ADAMTS14: variants seen among roughly 807,000 people sequenced by gnomAD.
ADAMTS14 encodes A disintegrin and metalloproteinase with thrombospondin motifs 14.
A neutral mutation model predicts 128.6 loss-of-function variants in ADAMTS14; 100 were observed. The observed-to-expected ratio is 0.78, with a 90% CI of 0.66 to 0.92. ADAMTS14 has a LOEUF of 0.92. ADAMTS14 is among the 40% of genes least tolerant of loss of function. The probability of loss-of-function intolerance (pLI) is 0.00; values close to 1 mark genes in which losing one functional copy is unlikely to be tolerated. For missense variants in ADAMTS14, 1,562 were observed against 1,658.6 expected (o/e 0.94, Z 1.01); for synonymous variants, 665 against 653.8 (o/e 1.02, Z -0.26).
chr10:70,723,827 C>A (rs1841346485), intron 4 of ADAMTS14, among the ~76,000 whole-genome samples: 3 of 152,150 alleles, frequency 2.0e-5, no homozygotes, highest in Admixed American at 6.5e-5. Flanking sequence ...CAGAGAAAGC[C>A]CACCCCAGCC....
intron 3 of ADAMTS14, among the ~76,000 whole-genome samples, chr10:70,704,260 G>T (rs1840581950): frequency 6.6e-6 from 1 of 152,132 alleles, no homozygotes; most frequent in South Asian, 2.1e-4. Flanking sequence ...AGTGAACCTG[G>T]AGTGGAGGGG....
chr10:70,693,230 C>T (rs1022090111), intron 2 of ADAMTS14, among the ~76,000 whole-genome samples: 4 of 152,268 alleles, frequency 2.6e-5, no homozygotes, highest in East Asian at 1.9e-4. Context: ...CACCATTCCC[C>T]GCCTCTAACA....
intron 3 of ADAMTS14, among the ~76,000 whole-genome samples, chr10:70,707,742 A>G (rs1327865614): frequency 2.0e-5 from 3 of 152,320 alleles, no homozygotes; most frequent in South Asian, 2.1e-4. Flanking sequence ...AGTTGTTGTA[A>G]AGATTAGACT....
chr10:70,694,418 G>C (rs930058633), intron 2 of ADAMTS14, among the ~76,000 whole-genome samples: 1 of 152,180 alleles, frequency 6.6e-6, no homozygotes, highest in African/African-American at 2.4e-5. Flanking sequence ...ATGCAATTCA[G>C]TGGTTTTAAA....
intron 4 of ADAMTS14, among the ~76,000 whole-genome samples, chr10:70,722,535 A>G (rs1564538327): frequency 6.6e-6 from 1 of 152,190 alleles, no homozygotes. Context: ...CAGGGATAGC[A>G]TACCATCCTC....
chr10:70,752,377 GC>G, intron 18 of ADAMTS14, 150 bp downstream of exon 18: 1 of 1,231,674 alleles, frequency 8.1e-7, no homozygotes, highest in Non-Finnish European at 1.1e-6. Flanking sequence ...TGGGCTCCAG[GC>G]CCAGGCCAGG....
chr10:70,733,155 C>G (rs1841705198), intron 7 of ADAMTS14, among the ~76,000 whole-genome samples: 1 of 152,172 alleles, frequency 6.6e-6, no homozygotes, highest in Non-Finnish European at 1.5e-5. Context: ...GGGCTGACAC[C>G]AGGGGAACCT....
chr10:70,741,520 T>C (rs1210794504), intron 12 of ADAMTS14, among the ~76,000 whole-genome samples: 2 of 152,254 alleles, frequency 1.3e-5, no homozygotes, highest in Non-Finnish European at 2.9e-5. Context: ...CTTCTGTCCC[T>C]ACCTGCAGGG....
At chr10:70,704,038 A>C (rs1186327029) in intron 3 of ADAMTS14, among the ~76,000 whole-genome samples, 1 of 152,240 alleles carries the variant, frequency 6.6e-6, no homozygotes, top group East Asian at 1.9e-4. Flanking sequence ...GATTAAAGCC[A>C]GAGGCTTCAG....
chr10:70,697,894 G>A (rs1479010304), intron 2 of ADAMTS14, among the ~76,000 whole-genome samples: 1 of 152,196 alleles, frequency 6.6e-6, no homozygotes, highest in Non-Finnish European at 1.5e-5. Context: ...TCATGTTGGA[G>A]AATCCACAGT....
At chr10:70,698,189 T>C (rs1840391060) in intron 2 of ADAMTS14, among the ~76,000 whole-genome samples, 1 of 152,254 alleles carries the variant, frequency 6.6e-6, no homozygotes, top group South Asian at 2.1e-4. Context: ...GGAAATTCAA[T>C]ATGGCTGATA....
intron 15 of ADAMTS14, among the ~76,000 whole-genome samples, chr10:70,746,765 T>C (rs1037378555): frequency 6.6e-6 from 1 of 152,188 alleles, no homozygotes; most frequent in African/African-American, 2.4e-5. Context: ...TTGTACACCT[T>C]ATTCGAGTGA....
intron 15 of ADAMTS14, among the ~76,000 whole-genome samples, chr10:70,748,769 C>T (rs1489271967): frequency 6.6e-6 from 1 of 152,210 alleles, no homozygotes; most frequent in Non-Finnish European, 1.5e-5. Flanking sequence ...CAGTTATGAC[C>T]ATTTAAATCT....
intron 12 of ADAMTS14, among the ~76,000 whole-genome samples, chr10:70,741,524 T>G (rs1841999701): frequency 6.6e-6 from 1 of 152,232 alleles, no homozygotes; most frequent in African/African-American, 2.4e-5. Context: ...TGTCCCTACC[T>G]GCAGGGAGAA....
chr10:70,677,587 G>A (rs1373506932), intron 2 of ADAMTS14, among the ~76,000 whole-genome samples: 1 of 152,124 alleles, frequency 6.6e-6, no homozygotes, highest in Admixed American at 6.5e-5. Flanking sequence ...TCCCCTTGGT[G>A]AGGGGCAGAA....
intron 1 of ADAMTS14, among the ~76,000 whole-genome samples, chr10:70,674,292 G>C (rs1258808544): frequency 6.6e-6 from 1 of 152,174 alleles, no homozygotes; most frequent in Non-Finnish European, 1.5e-5. Flanking sequence ...GGCTCTGTCT[G>C]GTATCATTTG....
At chr10:70,692,481 G>T (rs539332959) in intron 2 of ADAMTS14, among the ~76,000 whole-genome samples, 1 of 152,340 alleles carries the variant, frequency 6.6e-6, no homozygotes, top group South Asian at 2.1e-4. Flanking sequence ...ACACTACTTT[G>T]CAGGGAAGTT....
intron 9 of ADAMTS14, among the ~76,000 whole-genome samples, chr10:70,735,871 G>T (rs541978903): frequency 6.6e-6 from 1 of 152,216 alleles, no homozygotes; most frequent in Non-Finnish European, 1.5e-5. Context: ...CAGGGCCCAG[G>T]CTGAGCTGTC....
intron 8 of ADAMTS14, among the ~76,000 whole-genome samples, chr10:70,734,659 A>G (rs1284424207): frequency 6.6e-6 from 1 of 152,196 alleles, no homozygotes; most frequent in Non-Finnish European, 1.5e-5. Flanking sequence ...TGTTAGACTC[A>G]GGACCTTGAG....
Sources: allele counts gnomAD v4.1 joint callset (sites outside exome capture counted in the v4.1 genomes callset), GRCh38; gene constraint gnomAD v4.1.1; transcripts MANE v1.5; gene names NCBI Gene and HGNC (gene_info 2026-07-23, HGNC 2026-07-21).